SLC2A12: variants seen among roughly 807,000 people sequenced by gnomAD.
The protein encoded by SLC2A12 is solute carrier family 2 member 12.
Under a neutral mutation model 41.8 loss-of-function variants are expected in SLC2A12, and 23 were observed. The observed-to-expected ratio is 0.55, with a 90% CI of 0.40 to 0.78. SLC2A12 has a LOEUF of 0.78. SLC2A12 is among the 30% of genes least tolerant of loss of function. The probability of loss-of-function intolerance (pLI) is 0.00; values close to 1 mark genes in which losing one functional copy is unlikely to be tolerated. For missense variants in SLC2A12, 654 were observed against 745.6 expected, an observed-to-expected ratio of 0.88 and a Z score of 1.43; for synonymous variants, 295 against 285.9, an observed-to-expected ratio of 1.03 and a Z score of -0.32.
intron 1 of SLC2A12, among the ~76,000 whole-genome samples, chr6:134,033,104 A>T (rs1777244709): frequency 6.6e-6 from 1 of 151,882 alleles, no homozygotes; most frequent in African/African-American, 2.4e-5. Flanking sequence ...GTGAGCCTGG[A>T]GAGGTAGGAC....
chr6:134,037,757 T>C (rs141379519), intron 1 of SLC2A12, among the ~76,000 whole-genome samples: 51 of 152,310 alleles, frequency 3.3e-4, no homozygotes, highest in Admixed American at 2.5e-3. Flanking sequence ...TGGGAGCATG[T>C]TGGGAGCAGG....
chr6:133,991,088 T>C lies in SLC2A12; in HGVS notation c.*67A>G. The stretch of plus-strand genomic sequence containing the variant: ...AAAGAGAGCACAGGAGTCGCAACTA[T>C]GCATTGGTCCAAAGACACCCTCCTA... On this transcript the variant is annotated 3_prime_UTR_variant, in exon 5 of 5. Transcript: ENST00000275230. 1 of 1,524,276 alleles carries C rather than the reference T, an allele frequency of 6.6e-7. No individual in the cohort carries two copies. The highest frequency in any genetic ancestry group is 1.4e-5 in the African/African-American group (1 of 71,670). 94.4% of individuals were successfully genotyped at this position (1,524,276 alleles called of 1,614,324 possible).
At position 134,029,108 on chromosome 6, in the gene SLC2A12, C is replaced by T; in HGVS notation, c.717G>A (p.Arg239=). 6.2e-7 allele frequency: 1 copy of T among 1,614,160 alleles called. No homozygotes were observed. Among genetic ancestry groups the T allele is most frequent in the Non-Finnish European group, 8.5e-7 (1 of 1,180,030 alleles). ...CAGTTGTATCTGAGAGTGCTCTTAA[C>T]CTTCCAAGAACCTTGCTAGCAGCTC... ...QEGAASKVLG[R]LRALSDTTEE... Residue 239 remains arginine, a synonymous_variant, in exon 2 of 5, where the codon AGG becomes AGA. Coordinates refer to ENST00000275230, the MANE Select transcript of SLC2A12 (RefSeq NM_145176.3).
rs41286228 is a variant in SLC2A12, at chr6:134,006,834, C to T, written c.1545G>A (p.Ser515=). ...TACCAGTTACAGTCAAAAATGTCAGCGAGATGAGGAGATTGATGCCCCAGT... is the reference window on the plus strand; with the variant it reads ...TACCAGTTACAGTCAAAAATGTCAGTGAGATGAGGAGATTGATGCCCCAGT... ...SMNWGINLLI[S]LTFLTVTDLI... is the part of the protein sequence containing the mutation. Residue 515 remains serine, a synonymous_variant, in exon 3 of 5, where the codon TCG becomes TCA. Transcript: ENST00000275230. The T allele has an allele frequency of 2.5e-6, 4 of 1,613,970 alleles. No homozygotes were observed. The highest frequency in any genetic ancestry group is 1.6e-4 in the Middle Eastern group (1 of 6,062).
At chr6:134,008,626 T>C (rs1431621570) in intron 2 of SLC2A12, among the ~76,000 whole-genome samples, 2 of 152,226 alleles carry the variant, frequency 1.3e-5, no homozygotes, top group Non-Finnish European at 2.9e-5. Flanking sequence ...TAACCCTGTC[T>C]TGAGCTTTGC....
chr6:134,001,067 G>T (rs145828645), intron 4 of SLC2A12, among the ~76,000 whole-genome samples: 2 of 151,576 alleles, frequency 1.3e-5, no homozygotes, highest in Admixed American at 6.6e-5. Context: ...AAGAAAACCT[G>T]TTGGGGGGAG....
At chr6:134,033,246 C>A (rs2114488310) in intron 1 of SLC2A12, among the ~76,000 whole-genome samples, 1 of 152,166 alleles carries the variant, frequency 6.6e-6, no homozygotes, top group Middle Eastern at 3.4e-3. Flanking sequence ...CTGATGATAT[C>A]TTTATTACCT....
rs532609672 is a variant in SLC2A12 at position 134,019,567 on chromosome 6, A to AT, written c.1444+8813dup. 3.0e-3 allele frequency among the ~76,000 whole-genome samples: 450 copies of AT among 152,374 alleles called. 4 individuals carry two copies. Among genetic ancestry groups the AT allele is most frequent in the African/African-American group, 8.7e-3 (360 of 41,588 alleles). On this transcript the variant is annotated intron_variant, in intron 2 of 4. Transcript: ENST00000275230. ...TAAGTTATGGACAACAGAGTGTTTAATAAGTATATATCCTGATTTTGTTTG... is the reference window on the plus strand; with the variant it reads ...TAAGTTATGGACAACAGAGTGTTTAATTAAGTATATATCCTGATTTTGTTTG...
intron 3 of SLC2A12, 82 bp from the exon 4 acceptor site, chr6:134,002,211 A>T: frequency 7.2e-7 from 1 of 1,394,836 alleles, no homozygotes; most frequent in Non-Finnish European, 9.8e-7. Context: ...TAGGGCATAC[A>T]TAGCACCATA....
Position 133,988,272 on chromosome 6 carries a change from C to CT in SLC2A12, c.*2882dup, listed in dbSNP as rs1776566688. 6.6e-6 allele frequency: 1 copy of CT among 152,164 alleles called. No homozygotes were observed. The highest frequency in any genetic ancestry group is 1.5e-5 in the Non-Finnish European group (1 of 68,016). 9.4% of individuals were successfully genotyped at this position (152,164 alleles called of 1,614,324 possible). A position where few individuals can be genotyped will look rare whatever the true frequency, so the allele number is the denominator to read the frequency against. ...TAAATATGCATTTATGAAACAGTGTCTCTGGCTCACCCAGGAGCCCTGATG... is the reference window on the plus strand; with the variant it reads ...TAAATATGCATTTATGAAACAGTGTCTTCTGGCTCACCCAGGAGCCCTGATG... On this transcript the variant is annotated 3_prime_UTR_variant, in exon 5 of 5. Transcript: ENST00000275230.
At chr6:133,992,689 C>T (rs1425252649) in intron 4 of SLC2A12, among the ~76,000 whole-genome samples, 1 of 152,042 alleles carries the variant, frequency 6.6e-6, no homozygotes, top group African/African-American at 2.4e-5. Flanking sequence ...AAGAAGTGGC[C>T]TTGGTGGGCC....
At chr6:134,044,713 TAAAAAA>T (rs35658583) in intron 1 of SLC2A12, among the ~76,000 whole-genome samples, 1 of 100,526 alleles carries the variant, frequency 9.9e-6, no homozygotes, top group African/African-American at 3.7e-5. Flanking sequence ...AAACTCCGTC[TAAAAAA>T]AAAAAAAAAA....
intron 4 of SLC2A12, among the ~76,000 whole-genome samples, chr6:134,000,350 A>G (rs1201330633): frequency 6.6e-6 from 1 of 152,210 alleles, no homozygotes; most frequent in African/African-American, 2.4e-5. Context: ...CCTACTTACT[A>G]TACCCCCAAT....
intron 2 of SLC2A12, among the ~76,000 whole-genome samples, chr6:134,017,692 A>C (rs1188838886): frequency 6.6e-6 from 1 of 151,992 alleles, no homozygotes; most frequent in Non-Finnish European, 1.5e-5. Context: ...CTCTACTAAA[A>C]ATACAAAAAA....
rs75556847 is a variant in SLC2A12, at chr6:134,047,120, C to T, written c.103+5258G>A. 5.4e-3 allele frequency among the ~76,000 whole-genome samples: 823 copies of T among 152,308 alleles called. 9 individuals are homozygous for T. Among genetic ancestry groups the T allele is most frequent in the African/African-American group, 0.019 (787 of 41,566 alleles). On this transcript the variant is annotated intron_variant, in intron 1 of 4. Coordinates refer to ENST00000275230, the MANE Select transcript of SLC2A12 (RefSeq NM_145176.3). ...CCTCTTGGGAAGGAGCCAATTCCAA[C>T]TTTTCCTTTCTCATCACCATAACTT...
intron 2 of SLC2A12, among the ~76,000 whole-genome samples, chr6:134,023,559 T>G (rs1777073857): frequency 6.6e-6 from 1 of 152,168 alleles, no homozygotes; most frequent in Non-Finnish European, 1.5e-5. Flanking sequence ...ACGATGGAAC[T>G]GGAAATAAGC....
At chr6:134,044,119 G>A (rs1294265037) in intron 1 of SLC2A12, among the ~76,000 whole-genome samples, 1 of 152,086 alleles carries the variant, frequency 6.6e-6, no homozygotes, top group Non-Finnish European at 1.5e-5. Flanking sequence ...GCTCAACTTA[G>A]CCATCCTGTC....
intron 2 of SLC2A12, 36 bp from the exon 3 acceptor site, chr6:134,006,970 A>G (rs777751151): frequency 9.3e-6 from 15 of 1,612,270 alleles, no homozygotes; most frequent in East Asian, 2.2e-5. Context: ...CGGACAGCAC[A>G]TTTAGCAAAA....
At chr6:134,044,221 A>T (rs1254165312) in intron 1 of SLC2A12, among the ~76,000 whole-genome samples, 1 of 152,098 alleles carries the variant, frequency 6.6e-6, no homozygotes, top group East Asian at 1.9e-4. Flanking sequence ...CATCTCCTCC[A>T]TCAAAGGATT....
Sources: allele counts gnomAD v4.1 joint callset (sites outside exome capture counted in the v4.1 genomes callset), GRCh38; gene constraint gnomAD v4.1.1; transcripts MANE v1.5; gene names NCBI Gene and HGNC (gene_info 2026-07-23, HGNC 2026-07-21).